EHD3: variants seen among roughly 807,000 people sequenced by gnomAD.
EHD3 encodes EH domain-containing protein 3.
A neutral mutation model predicts 43.0 loss-of-function variants in EHD3; 17 were observed. The ratio of observed to expected loss-of-function variants is 0.40; its 90% confidence interval spans 0.27 to 0.59. The LOEUF (loss-of-function observed/expected upper bound fraction) is 0.59, where lower values mean the gene tolerates loss of function less well. Ranked by LOEUF, EHD3 falls within the 20% of genes least tolerant of loss-of-function variation. The pLI is 0.49. For missense variants in EHD3, 594 were observed against 705.6 expected (o/e 0.84, Z 1.79); for synonymous variants, 313 against 289.5 (o/e 1.08, Z -0.82).
At chr2:31,246,459 A>G (rs1030654934) in intron 2 of EHD3, among the ~76,000 whole-genome samples, 3 of 151,830 alleles carry the variant, frequency 2.0e-5, no homozygotes, top group African/African-American at 7.3e-5. Context: ...GAGGAGGGAA[A>G]AGCCAGGGGG....
In EHD3 at chr2:31,254,586, A is replaced by G. The variant is rs75041028; in HGVS notation, c.502+5118A>G. 4.6e-4 allele frequency among the ~76,000 whole-genome samples: 70 copies of G among 152,334 alleles called. No homozygotes were observed. In the East Asian group the frequency reaches 0.013, roughly 28 times the overall value. On this transcript the variant is annotated intron_variant, in intron 3 of 5. Transcript: ENST00000322054. ...ACATTTTGGAAATTGATGCCTTGTT[A>G]TTCCTCTTTTGCTCAAATGCCTTTA... is the stretch of plus-strand genomic sequence containing the variant.
chr2:31,258,403 G>A (rs1166825761), intron 3 of EHD3, among the ~76,000 whole-genome samples: 2 of 152,094 alleles, frequency 1.3e-5, no homozygotes, highest in East Asian at 1.9e-4. Flanking sequence ...CACAGGGTGG[G>A]GGAAAGGCTT....
chr2:31,266,006 C>G lies in EHD3; in HGVS notation c.1081-171C>G, dbSNP rs937919840. On this transcript the variant is annotated intron_variant, in intron 5 of 5. Transcript: ENST00000322054. The surrounding 1 kb of genome is among the most constrained non-coding windows in gnomAD (Gnocchi z 5.1). The stretch of plus-strand genomic sequence containing the variant: ...GTGGGCCTTTATTCCCCTCCTCTCT[C>G]ATACCTTCGATTACCACGTGATGTC... 6.6e-6 allele frequency among the ~76,000 whole-genome samples: 1 copy of G among 152,166 alleles called. No homozygotes were observed. The highest frequency in any genetic ancestry group is 1.5e-5 in the Non-Finnish European group (1 of 68,030).
intron 2 of EHD3, among the ~76,000 whole-genome samples, chr2:31,247,801 A>G (rs1683555046): frequency 6.6e-6 from 1 of 152,206 alleles, no homozygotes; most frequent in Admixed American, 6.5e-5. Context: ...TGACCCTGAC[A>G]TTAAATGATG....
In EHD3 at chr2:31,266,098, G is replaced by A; in HGVS notation, c.1081-79G>A. ...AGGGATCAGCTGTGAACATTCTGGT[G>A]CTCATAGGAGGCACGTGATAAATGG... On this transcript the variant is annotated intron_variant, in intron 5 of 5. Coordinates refer to ENST00000322054, the MANE Select transcript of EHD3 (RefSeq NM_014600.3). This position sits in a 1 kb window ranked among gnomAD's most constrained non-coding sequence, Gnocchi z 5.1. 1 of 1,505,888 alleles carries A rather than the reference G, an allele frequency of 6.6e-7. No individual in the cohort carries two copies. The highest frequency in any genetic ancestry group is 2.0e-5 in the Admixed American group (1 of 49,412). The allele number at this position is 1,505,888 out of a possible 1,614,324, so 93.3% of individuals were successfully genotyped here. A position where few individuals can be genotyped will look rare whatever the true frequency, so the allele number is the denominator to read the frequency against.
Position 31,261,571 on chromosome 2 carries a change from C to G in EHD3, c.938C>G (p.Ser313Cys). 6.2e-7 allele frequency: 1 copy of G among 1,614,224 alleles called. No homozygotes were observed. The highest frequency in any genetic ancestry group is 8.5e-7 in the Non-Finnish European group (1 of 1,180,042). The change falls in exon 5 of 6, where the codon TCT becomes TGT. Residue 313 changes from serine to cysteine, a missense_variant. This residue lies in a region of EHD3 where 322 missense variants were observed against 348.0 expected (regional missense o/e 0.93). Transcript: ENST00000322054. ...CAGGTCCACGCCTACATCATCAGCT[C>G]TCTGAAGAAGGAGATGCCCTCGGTG... ...LAKVHAYIIS[S>C]LKKEMPSVFG...
At chr2:31,239,102 G>T (rs547876670) in intron 1 of EHD3, among the ~76,000 whole-genome samples, 1 of 152,166 alleles carries the variant, frequency 6.6e-6, no homozygotes, top group Non-Finnish European at 1.5e-5. Flanking sequence ...AGGTGCCTTC[G>T]CATTTGCTGT....
At chr2:31,239,166 G>A (rs1416236853) in intron 1 of EHD3, among the ~76,000 whole-genome samples, 3 of 152,164 alleles carry the variant, frequency 2.0e-5, no homozygotes, top group African/African-American at 7.2e-5. Flanking sequence ...GCATTACAGC[G>A]CCACTGCGCC....
chr2:31,266,353 C>T lies in EHD3; in HGVS notation c.1257C>T (p.His419=), dbSNP rs150934782. The T allele has an allele frequency of 5.3e-5, 86 of 1,614,142 alleles. No homozygotes were observed. Among genetic ancestry groups the T allele is most frequent in the African/African-American group, 3.3e-4 (25 of 75,046 alleles). ...VKGGAFEGTL[H]GPFGHGYGEG... is the part of the protein sequence containing the mutation. ...GCGGAGCGTTCGAGGGCACCCTGCA[C>T]GGCCCCTTTGGGCATGGCTATGGGG... Residue 419 remains histidine (H), a synonymous_variant, in exon 6 of 6, where the codon CAC becomes CAT. Transcript: ENST00000322054. This position sits in a 1 kb window ranked among gnomAD's most constrained non-coding sequence, Gnocchi z 5.1.
chr2:31,260,986 C>G lies in EHD3; in HGVS notation c.915+64C>G, dbSNP rs1037578245. ...GGCCCAGAGTTTGGGGTCAGCTGCA[C>G]GAGCTGAGGGTTGCTGCCTCCAACA... On this transcript the variant is annotated intron_variant, in intron 4 of 5. Transcript: ENST00000322054. The surrounding 1 kb of genome is among the most constrained non-coding windows in gnomAD (Gnocchi z 4.6). 1 of 1,521,782 alleles carries G rather than the reference C, an allele frequency of 6.6e-7. No homozygotes were observed. Among genetic ancestry groups the G allele is most frequent in the Non-Finnish European group, 8.8e-7 (1 of 1,130,528 alleles). The allele number at this position is 1,521,782 out of a possible 1,614,324, so 94.3% of individuals were successfully genotyped here.
intron 4 of EHD3, 150 bp downstream of exon 4, chr2:31,261,072 C>T: frequency 1.1e-6 from 1 of 914,536 alleles, no homozygotes; most frequent in Non-Finnish European, 1.6e-6. Context: ...TGGTTACAAG[C>T]TCTCAGGTCA....
chr2:31,260,640 G>A lies in EHD3; in HGVS notation c.633G>A (p.Glu211=), dbSNP rs773132739. The change falls in exon 4 of 6, where the codon GAG becomes GAA. Residue 211 remains glutamate (E), a synonymous_variant. Coordinates refer to ENST00000322054, the MANE Select transcript of EHD3 (RefSeq NM_014600.3). This position sits in a 1 kb window ranked among gnomAD's most constrained non-coding sequence, Gnocchi z 4.6. ...TCATCAAAGCCCTCAAGAACCACGAGGACAAGATGCGAGTGGTGCTGAACA... is the reference window on the plus strand; with the variant it reads ...TCATCAAAGCCCTCAAGAACCACGAAGACAAGATGCGAGTGGTGCTGAACA... ...SEVIKALKNH[E]DKMRVVLNKA... 7 of 1,614,180 alleles carry A rather than the reference G, an allele frequency of 4.3e-6. No individual in the cohort carries two copies. Among genetic ancestry groups the A allele is most frequent in the Non-Finnish European group, 5.1e-6 (6 of 1,180,048 alleles).
chr2:31,245,655 A>G (rs1363817673), intron 2 of EHD3, among the ~76,000 whole-genome samples: 1 of 143,274 alleles, frequency 7.0e-6, no homozygotes, highest in African/African-American at 2.6e-5. Context: ...TCTGCCTCCC[A>G]GGTTCAAGCA....
chr2:31,249,224 C>A, intron 2 of EHD3, 147 bp from the exon 3 acceptor site: 1 of 696,902 alleles, frequency 1.4e-6, no homozygotes, highest in Non-Finnish European at 2.5e-6. Flanking sequence ...GTCAGCCACA[C>A]CCTGAACTGG....
rs777144245 is a variant in EHD3 at position 31,243,451 on chromosome 2, TCTTTC to T, written c.228-822_228-818del. On this transcript the variant is annotated intron_variant, in intron 1 of 5. Transcript: ENST00000322054. ...TTCTTTCTTTCTTTCTTTCTTTCTT[TCTTTC>T]TTTCTTTTTTTTTTTTTGAGACAGA... Among the ~76,000 whole-genome samples, 465 of 97,690 alleles carry T rather than the reference TCTTTC, an allele frequency of 4.8e-3. 8 individuals carry two copies. Among genetic ancestry groups the T allele is most frequent in the Middle Eastern group, 0.023 (4 of 176 alleles). 64.1% of individuals were successfully genotyped at this position (97,690 alleles called of 152,430 possible).
At chr2:31,234,931 CAG>C (rs1267315515) in intron 1 of EHD3, 83 bp downstream of exon 1, 16 of 1,339,420 alleles carry the variant, frequency 1.2e-5, no homozygotes, top group African/African-American at 2.9e-5. Flanking sequence ...CCATCCCAGA[CAG>C]GGGACCAATG....
chr2:31,266,780 A>C lies in EHD3; in HGVS notation c.*76A>C, dbSNP rs1683961613. 1.4e-6 allele frequency: 2 copies of C among 1,412,284 alleles called. No individual in the cohort carries two copies. Among genetic ancestry groups the C allele is most frequent in the Non-Finnish European group, 1.9e-6 (2 of 1,046,558 alleles). 87.5% of individuals were successfully genotyped at this position (1,412,284 alleles called of 1,614,324 possible). A position where few individuals can be genotyped will look rare whatever the true frequency, so the allele number is the denominator to read the frequency against. On this transcript the variant is annotated 3_prime_UTR_variant, in exon 6 of 6. Coordinates refer to ENST00000322054, the MANE Select transcript of EHD3 (RefSeq NM_014600.3). The surrounding 1 kb of genome is among the most constrained non-coding windows in gnomAD (Gnocchi z 5.1). ...GGTGACTACACACACACACACACAC[A>C]CACACACACACACAAACATGCACAC... is the stretch of plus-strand genomic sequence containing the variant.
intron 1 of EHD3, among the ~76,000 whole-genome samples, chr2:31,239,298 C>G (rs928832411): frequency 4.6e-5 from 7 of 152,216 alleles, no homozygotes; most frequent in African/African-American, 1.4e-4. Context: ...CAGCCCTGTC[C>G]ACCCACCAAG....
chr2:31,263,146 C>G (rs539155999), intron 5 of EHD3, among the ~76,000 whole-genome samples: 1 of 152,308 alleles, frequency 6.6e-6, no homozygotes, highest in South Asian at 2.1e-4. Flanking sequence ...GTTCATGTGT[C>G]CATTCACTCA....
Sources: allele counts gnomAD v4.1 joint callset (sites outside exome capture counted in the v4.1 genomes callset), GRCh38; gene constraint gnomAD v4.1.1; regional missense constraint gnomAD v4.1.1; non-coding constraint Gnocchi (gnomAD v3.1); transcripts MANE v1.5; gene names NCBI Gene and HGNC (gene_info 2026-07-23, HGNC 2026-07-21).